Variants in OSBP2 observed in about 807,000 individuals in gnomAD.
The protein encoded by OSBP2 is oxysterol-binding protein 2.
In OSBP2, 66 loss-of-function variants were observed where a neutral mutation model predicts 96.0. That is an observed-to-expected ratio of 0.69 (90% CI 0.56 to 0.84). The LOEUF (loss-of-function observed/expected upper bound fraction) is 0.84, where lower values mean the gene tolerates loss of function less well. Ranked by LOEUF, OSBP2 falls within the 40% of genes least tolerant of loss-of-function variation. OSBP2 has a pLI of 0.00. For missense variants in OSBP2, 1,038 were observed against 1,222.7 expected, an observed-to-expected ratio of 0.85 and a Z score of 2.25; for synonymous variants, 525 against 520.9, an observed-to-expected ratio of 1.01 and a Z score of -0.11.
At chr22:30,788,799 G>C (rs1352811053) in intron 2 of OSBP2, among the ~76,000 whole-genome samples, 4 of 152,066 alleles carry the variant, frequency 2.6e-5, no homozygotes, top group African/African-American at 9.7e-5. Flanking sequence ...TGCAACCTCT[G>C]CCTCCCGGGT....
chr22:30,720,403 G>T (rs976723797), intron 1 of OSBP2, among the ~76,000 whole-genome samples: 24 of 152,172 alleles, frequency 1.6e-4, no homozygotes, highest in African/African-American at 3.9e-4. Context: ...AAATGGTGCA[G>T]GCAATTGGCA....
At chr22:30,730,797 TATATATATATAA>T (rs1569100608) in intron 1 of OSBP2, among the ~76,000 whole-genome samples, 33 of 56,020 alleles carry the variant, frequency 5.9e-4, no homozygotes, top group African/African-American at 2.0e-3. Flanking sequence ...TATATATATA[TATATATATATAA>T]TTTTTTTTTT....
intron 2 of OSBP2, among the ~76,000 whole-genome samples, chr22:30,753,050 AG>A (rs2090097289): frequency 6.6e-6 from 1 of 152,188 alleles, no homozygotes. Flanking sequence ...CTTGGCTGAA[AG>A]GAGGAGCCCA....
chr22:30,893,201 C>G lies in OSBP2; in HGVS notation c.1949C>G (p.Ser650Cys). ...GWSLWQEITI[S>C]SKFRGKYISI... ...AGCCTCTGGCAGGAGATCACCATCTCCAGCAAGTTCCGGGGAAAATACATC... is the reference window on the plus strand; with the variant it reads ...AGCCTCTGGCAGGAGATCACCATCTGCAGCAAGTTCCGGGGAAAATACATC... The change falls in exon 9 of 14, where the codon TCC (serine) becomes TGC (cysteine). Residue 650 changes from serine to cysteine, a missense_variant. Ser to Cys is a moderately radical substitution (Grantham distance 112, BLOSUM62 -1). Coordinates refer to ENST00000332585, the MANE Select transcript of OSBP2 (RefSeq NM_030758.4). The G allele has an allele frequency of 6.2e-7, 1 of 1,614,140 alleles. No individual in the cohort carries two copies.
chr22:30,867,014 AC>A (rs550507377), intron 2 of OSBP2, among the ~76,000 whole-genome samples: 79 of 152,282 alleles, frequency 5.2e-4, no homozygotes, highest in African/African-American at 1.9e-3. Flanking sequence ...TGCTGTGAGA[AC>A]ATGGGAGGTG....
At chr22:30,704,591 A>G (rs2089218794) in intron 1 of OSBP2, among the ~76,000 whole-genome samples, 1 of 149,990 alleles carries the variant, frequency 6.7e-6, no homozygotes, top group Non-Finnish European at 1.5e-5. Flanking sequence ...GTCTCAGTTC[A>G]CTGCAACCTC....
intron 3 of OSBP2, 60 bp from the exon 4 acceptor site, chr22:30,887,366 T>G (rs2039834688): frequency 2.0e-6 from 3 of 1,476,244 alleles, no homozygotes; most frequent in African/African-American, 1.4e-5. Flanking sequence ...TTCACATGCC[T>G]CTGACAGATG....
At chr22:30,863,458 G>T (rs192981562) in intron 2 of OSBP2, among the ~76,000 whole-genome samples, 2 of 152,276 alleles carry the variant, frequency 1.3e-5, no homozygotes, top group Admixed American at 1.3e-4. Flanking sequence ...CGTGGGGGTG[G>T]AATGTCTTTT....
intron 2 of OSBP2, among the ~76,000 whole-genome samples, chr22:30,843,204 G>A (rs1602344959): frequency 6.6e-6 from 1 of 152,132 alleles, no homozygotes; most frequent in Admixed American, 6.5e-5. Flanking sequence ...CTGGAGGGTT[G>A]GAATCAACTT....
intron 3 of OSBP2, among the ~76,000 whole-genome samples, chr22:30,878,649 A>T (rs2039635527): frequency 6.6e-6 from 1 of 152,166 alleles, no homozygotes; most frequent in African/African-American, 2.4e-5. Context: ...GGGCTGGCCA[A>T]CAGAGGGTAG....
chr22:30,721,922 C>CTTT (rs2089558663), intron 1 of OSBP2, among the ~76,000 whole-genome samples: 1 of 152,072 alleles, frequency 6.6e-6, no homozygotes, highest in African/African-American at 2.4e-5. Context: ...TGCTGCGGGA[C>CTTT]TTTTAAGCTT....
rs751494367 is a variant in OSBP2 at position 30,753,505 on chromosome 22, C to G, written c.853+12136C>G. On this transcript the variant is annotated intron_variant, in intron 2 of 13. Coordinates refer to ENST00000332585, the MANE Select transcript of OSBP2 (RefSeq NM_030758.4). ...GTGGAGACAGCTCCGTGCTCCTTCC[C>G]TTGAAGCTGAGGGTATTGGCCTGGG... is the stretch of plus-strand genomic sequence containing the variant. Among the ~76,000 whole-genome samples the G allele has an allele frequency of 1.1e-4, 16 of 152,240 alleles. 1 individual carries two copies. In the South Asian group the frequency reaches 2.1e-3, roughly 20 times the overall value.
chr22:30,790,764 G>A (rs1026817777), intron 2 of OSBP2, among the ~76,000 whole-genome samples: 2 of 151,858 alleles, frequency 1.3e-5, no homozygotes, highest in African/African-American at 4.8e-5. Context: ...GTCATTTCAG[G>A]ACCAATAAGC....
At chr22:30,828,593 C>A (rs1242421325) in intron 2 of OSBP2, among the ~76,000 whole-genome samples, 1 of 152,190 alleles carries the variant, frequency 6.6e-6, no homozygotes, top group Non-Finnish European at 1.5e-5. Context: ...GGGCAGGGAT[C>A]CCAGCAGAGG....
intron 2 of OSBP2, among the ~76,000 whole-genome samples, chr22:30,849,953 A>G (rs1279021981): frequency 6.6e-6 from 1 of 151,818 alleles, no homozygotes; most frequent in African/African-American, 2.4e-5. Flanking sequence ...TTCAAGTACT[A>G]TTTTTTTTAA....
At chr22:30,841,251 T>C (rs1220221146) in intron 2 of OSBP2, among the ~76,000 whole-genome samples, 1 of 152,154 alleles carries the variant, frequency 6.6e-6, no homozygotes, top group African/African-American at 2.4e-5. Context: ...CAAACCATCG[T>C]TACACTCAAT....
At chr22:30,779,159 G>A (rs2090478657) in intron 2 of OSBP2, among the ~76,000 whole-genome samples, 1 of 149,000 alleles carries the variant, frequency 6.7e-6, no homozygotes, top group South Asian at 2.2e-4. Context: ...TCGGCTCACT[G>A]CAACCTCTGC....
intron 1 of OSBP2, among the ~76,000 whole-genome samples, chr22:30,705,571 G>A (rs1383584363): frequency 6.6e-6 from 1 of 152,090 alleles, no homozygotes; most frequent in Non-Finnish European, 1.5e-5. Flanking sequence ...GGGATTACAG[G>A]GGTGAGCTAC....
In OSBP2 at chr22:30,890,817, C is replaced by T. The variant is rs756605940; in HGVS notation, c.1713C>T (p.Thr571=). The T allele has an allele frequency of 3.1e-6, 5 of 1,613,660 alleles. No individual in the cohort carries two copies. The African/African-American group carries it at 6.7e-5, about 22-fold the overall frequency. The stretch of plus-strand genomic sequence containing the variant: ...TGCTGGACAAGGCAGTGCACTGCAC[C>T]AGCTCAGTGGAGCAGATGTGCCTGG... ...HHLLDKAVHC[T]SSVEQMCLVA... Residue 571 remains threonine (T), a synonymous_variant, in exon 8 of 14, where the codon ACC becomes ACT. Coordinates refer to ENST00000332585, the MANE Select transcript of OSBP2 (RefSeq NM_030758.4). This position sits in a 1 kb window ranked among gnomAD's most constrained non-coding sequence, Gnocchi z 4.4.
Sources: gnomAD v4.1 joint callset for allele counts (sites outside exome capture counted in the v4.1 genomes callset) on GRCh38, gnomAD v4.1.1 for gene constraint, Gnocchi (gnomAD v3.1) non-coding constraint, MANE v1.5 for transcripts, NCBI Gene and HGNC (gene_info 2026-07-23, HGNC 2026-07-21) for gene names.